The following RND3 variants were observed in gnomAD, a reference collection of about 807,000 sequenced individuals.
RND3 encodes the protein Rho family GTPase 3.
A neutral mutation model predicts 26.5 loss-of-function variants in RND3; 8 were observed. The ratio of observed to expected loss-of-function variants is 0.30; its 90% CI spans 0.18 to 0.54. The LOEUF (loss-of-function observed/expected upper bound fraction) is 0.54, where lower values mean the gene tolerates loss of function less well. RND3 is among the 20% of genes least tolerant of loss of function. RND3 has a pLI of 0.94. For missense variants in RND3, 207 were observed against 302.8 expected, an observed-to-expected ratio of 0.68 and a Z score of 2.35; for synonymous variants, 113 against 113.0, an observed-to-expected ratio of 1.00 and a Z score of 0.00.
chr2:150,471,868 G>A (rs1686092968), intron 4 of RND3, 107 bp from the exon 5 acceptor site: 2 of 932,026 alleles, frequency 2.1e-6, no homozygotes, highest in South Asian at 1.7e-5. Context: ...CAGAAAAGAT[G>A]TTAAAAATGG....
Position 150,468,386 on chromosome 2 carries a change from A to G in RND3, c.*1601T>C, listed in dbSNP as rs1394317104. 1 of 152,688 alleles carries G rather than the reference A, an allele frequency of 6.5e-6. No individual in the cohort carries two copies. Among genetic ancestry groups the G allele is most frequent in the Non-Finnish European group, 1.5e-5 (1 of 68,048 alleles). 9.5% of individuals were successfully genotyped at this position (152,688 alleles called of 1,614,324 possible). On this transcript the variant is annotated 3_prime_UTR_variant, in exon 6 of 6. Coordinates refer to ENST00000263895, the MANE Select transcript of RND3 (RefSeq NM_005168.5). The stretch of plus-strand genomic sequence containing the variant: ...TATTTAAATACAGAAAGCACTCGCC[A>G]GCTATTTTGTAATACTGCCCAAAGC...
At chr2:150,482,296 G>C (rs1686286938) in intron 3 of RND3, among the ~76,000 whole-genome samples, 1 of 152,210 alleles carries the variant, frequency 6.6e-6, no homozygotes, top group Admixed American at 6.5e-5. Flanking sequence ...CTTAGGAAAA[G>C]ATACAGTGAT....
At chr2:150,474,385 C>A (rs767859529) in intron 4 of RND3, among the ~76,000 whole-genome samples, 1 of 152,198 alleles carries the variant, frequency 6.6e-6, no homozygotes, top group Non-Finnish European at 1.5e-5. Context: ...GATCATCAGA[C>A]AATTCACATT....
intron 3 of RND3, among the ~76,000 whole-genome samples, chr2:150,485,958 C>T (rs1334471253): frequency 1.3e-5 from 2 of 152,020 alleles, no homozygotes; most frequent in African/African-American, 2.4e-5. Flanking sequence ...GCCTTGGAGG[C>T]AAGCCGAGTG....
chr2:150,482,577 T>A (rs1021113514), intron 3 of RND3, among the ~76,000 whole-genome samples: 6 of 152,196 alleles, frequency 3.9e-5, no homozygotes, highest in African/African-American at 1.4e-4. Context: ...GTTATGGGCC[T>A]TAAAAATTCC....
Position 150,486,864 on chromosome 2 carries a change from T to C in RND3, c.151-83A>G. 1 of 930,508 alleles carries C rather than the reference T, an allele frequency of 1.1e-6. No individual in the cohort carries two copies. Among genetic ancestry groups the C allele is most frequent in the Non-Finnish European group, 1.8e-6 (1 of 557,682 alleles). 57.6% of individuals were successfully genotyped at this position (930,508 alleles called of 1,614,324 possible). A position where few individuals can be genotyped will look rare whatever the true frequency, so the allele number is the denominator to read the frequency against. ...ACGCACGACACCCATTGAACACCCTTCCCCTCCCCGCTCCCCAGTTAAGAA... is the reference window on the plus strand; with the variant it reads ...ACGCACGACACCCATTGAACACCCTCCCCCTCCCCGCTCCCCAGTTAAGAA... On this transcript the variant is annotated intron_variant, in intron 2 of 5. Coordinates refer to ENST00000263895, the MANE Select transcript of RND3 (RefSeq NM_005168.5). This position sits in a 1 kb window ranked among gnomAD's most constrained non-coding sequence, Gnocchi z 4.5.
chr2:150,470,724 A>G (rs1385171583), intron 5 of RND3, among the ~76,000 whole-genome samples: 1 of 152,072 alleles, frequency 6.6e-6, no homozygotes, highest in Non-Finnish European at 1.5e-5. Flanking sequence ...ATGAACATAA[A>G]CTCTGCATTT....
chr2:150,477,355 C>A (rs1394485122), intron 3 of RND3, among the ~76,000 whole-genome samples: 1 of 152,026 alleles, frequency 6.6e-6, no homozygotes, highest in Non-Finnish European at 1.5e-5. Flanking sequence ...ACAATGGAGA[C>A]CATCTTTTCC....
rs1404463848 is a variant in RND3, at chr2:150,468,264, A to G, written c.*1723T>C. On this transcript the variant is annotated 3_prime_UTR_variant, in exon 6 of 6. Transcript: ENST00000263895. ...GTATGTTTTAATAAATACTGCGGAA[A>G]CATTGACCAAACAAACATACACAGT... 1 of 152,654 alleles carries G rather than the reference A, an allele frequency of 6.6e-6. No individual in the cohort carries two copies. Among genetic ancestry groups the G allele is most frequent in the African/African-American group, 2.4e-5 (1 of 41,450 alleles). 9.5% of individuals were successfully genotyped at this position (152,654 alleles called of 1,614,324 possible).
intron 2 of RND3, 108 bp downstream of exon 2, chr2:150,487,155 TTTTTC>T: frequency 2.5e-6 from 2 of 804,202 alleles, no homozygotes; most frequent in Non-Finnish European, 3.6e-6. Flanking sequence ...AAGACTTTTT[TTTTTC>T]TTTTTTTTTT....
At chr2:150,483,325 A>T (rs2105222875) in intron 3 of RND3, among the ~76,000 whole-genome samples, 1 of 152,314 alleles carries the variant, frequency 6.6e-6, no homozygotes, top group African/African-American at 2.4e-5. Flanking sequence ...ACAGGACAGG[A>T]AATATCATTC....
In RND3 at chr2:150,486,341, G is replaced by T. The variant is rs1278928596; in HGVS notation, c.238+353C>A. ...CGCCCGCCTTGAGCCGGGTGGTTCC[G>T]CCGAGGCGCACGCAGCGCCCATGCA... On this transcript the variant is annotated intron_variant, in intron 3 of 5. Transcript: ENST00000263895. This position sits in a 1 kb window ranked among gnomAD's most constrained non-coding sequence, Gnocchi z 4.5. Among the ~76,000 whole-genome samples the T allele has an allele frequency of 6.6e-6, 1 of 152,144 alleles. No individual in the cohort carries two copies. Among genetic ancestry groups the T allele is most frequent in the Non-Finnish European group, 1.5e-5 (1 of 68,040 alleles).
chr2:150,487,474 A>AAAAATATATATAT lies in RND3; in HGVS notation c.-38-20_-38-19insATATATATATTTT. The AAAAATATATATAT allele has an allele frequency of 1.8e-3, 352 of 200,754 alleles. No homozygotes were observed. Among genetic ancestry groups the AAAAATATATATAT allele is most frequent in the Middle Eastern group, 3.3e-3 (2 of 612 alleles). The allele number at this position is 200,754 out of a possible 1,614,324, so 12.4% of individuals were successfully genotyped here. On this transcript the variant is annotated intron_variant, in intron 1 of 5. Transcript: ENST00000263895. ...ATTTTCTCTTAAGAAGAAAAAAAAAAATATATATATATATATATATTTCTC... is the reference window on the plus strand; with the variant it reads ...ATTTTCTCTTAAGAAGAAAAAAAAAAAAAATATATATATATATATATATATATATATATTTCTC...
At chr2:150,478,389 GAC>G (rs993661473) in intron 3 of RND3, among the ~76,000 whole-genome samples, 4 of 151,292 alleles carry the variant, frequency 2.6e-5, no homozygotes, top group African/African-American at 9.8e-5. Context: ...GTATGCGTGA[GAC>G]AACGCATGCC....
chr2:150,484,697 G>A (rs1686329455), intron 3 of RND3, among the ~76,000 whole-genome samples: 1 of 152,116 alleles, frequency 6.6e-6, no homozygotes, highest in Non-Finnish European at 1.5e-5. Flanking sequence ...GTGTACAGCT[G>A]GGAGAGATCC....
In RND3 at chr2:150,478,578, G is replaced by GAAAAAAA. The variant is rs752844515; in HGVS notation, c.239-3595_239-3594insTTTTTTT. On this transcript the variant is annotated intron_variant, in intron 3 of 5. Coordinates refer to ENST00000263895, the MANE Select transcript of RND3 (RefSeq NM_005168.5). ...TTACAACACCCTGTGAAGCCAAACG[G>GAAAAAAA]CAAAAAAAAAAAAAAAAAATTAACT... Among the ~76,000 whole-genome samples, 28 of 74,170 alleles carry GAAAAAAA rather than the reference G, an allele frequency of 3.8e-4. 3 individuals carry two copies. Among genetic ancestry groups the GAAAAAAA allele is most frequent in the African/African-American group, 5.8e-4 (9 of 15,394 alleles). 48.7% of individuals were successfully genotyped at this position (74,170 alleles called of 152,430 possible). A position where few individuals can be genotyped will look rare whatever the true frequency, so the allele number is the denominator to read the frequency against.
chr2:150,470,478 T>C (rs1686069208), intron 5 of RND3, among the ~76,000 whole-genome samples: 1 of 152,164 alleles, frequency 6.6e-6, no homozygotes, highest in African/African-American at 2.4e-5. Flanking sequence ...CATGGCTCAT[T>C]AGAGGTGTTA....
chr2:150,470,042 G>C lies in RND3; in HGVS notation c.680C>G (p.Ser227Trp). 6.2e-7 allele frequency: 1 copy of C among 1,613,956 alleles called. No homozygotes were observed. The highest frequency in any genetic ancestry group is 8.5e-7 in the Non-Finnish European group (1 of 1,179,894). The change falls in exon 6 of 6, where the codon TCG (serine) becomes TGG (tryptophan). Residue 227 changes from serine to tryptophan, a missense_variant. Transcript: ENST00000263895. The stretch of plus-strand genomic sequence containing the variant: ...CTTTCGTAAGTCCGTAGCAACTGCC[G>C]AGAGTTCTGGTCTGCTAGGCATGTG... ...ISHMPSRPEL[S>W]AVATDLRKDK...
chr2:150,468,242 T>C lies in RND3; in HGVS notation c.*1745A>G, dbSNP rs1355910989. 2.6e-5 allele frequency: 4 copies of C among 152,248 alleles called. No homozygotes were observed. The highest frequency in any genetic ancestry group is 2.0e-4 in the Admixed American group (3 of 15,214). 9.4% of individuals were successfully genotyped at this position (152,248 alleles called of 1,614,324 possible). ...TTTTTATTTGAAGAAAAAAAAAGTA[T>C]GTTTTAATAAATACTGCGGAAACAT... On this transcript the variant is annotated 3_prime_UTR_variant, in exon 6 of 6. Coordinates refer to ENST00000263895, the MANE Select transcript of RND3 (RefSeq NM_005168.5).
Sources: allele counts gnomAD v4.1 joint callset (sites outside exome capture counted in the v4.1 genomes callset), GRCh38; gene constraint gnomAD v4.1.1; non-coding constraint Gnocchi (gnomAD v3.1); transcripts MANE v1.5; gene names NCBI Gene and HGNC (gene_info 2026-07-23, HGNC 2026-07-21).